The following NLRP13 variants were observed in gnomAD, a reference collection of about 807,000 sequenced individuals.
The protein encoded by NLRP13 is NACHT, LRR and PYD domains-containing protein 13.
A neutral mutation model predicts 94.4 loss-of-function variants in NLRP13; 82 were observed. The observed-to-expected ratio is 0.87, with a 90% CI of 0.73 to 1.04. NLRP13 has a LOEUF of 1.04. Ranked by LOEUF, NLRP13 falls within the 50% of genes least tolerant of loss-of-function variation. NLRP13 has a pLI of 0.00. For missense variants in NLRP13, 1,426 were observed against 1,230.8 expected (o/e 1.16, Z -2.37); for synonymous variants, 553 against 464.7 (o/e 1.19, Z -2.45).
intron 1 of NLRP13, among the ~76,000 whole-genome samples, chr19:55,926,558 T>TC (rs1412144901): frequency 2.6e-5 from 4 of 151,986 alleles, no homozygotes; most frequent in South Asian, 2.1e-4. Context: ...CCAACATTAC[T>TC]CCCCCCAGGC....
At chr19:55,907,528 C>T (rs1020404457) in intron 7 of NLRP13, among the ~76,000 whole-genome samples, 4 of 152,132 alleles carry the variant, frequency 2.6e-5, no homozygotes, top group African/African-American at 4.8e-5. Context: ...GCAGAGATCA[C>T]GTCATTGCAC....
At position 55,907,848 on chromosome 19, in the gene NLRP13, A is replaced by C. The variant is rs537430301; in HGVS notation, c.2391T>G (p.Thr797=). The change falls in exon 7 of 11, where the codon ACT becomes ACG. Residue 797 remains threonine, a synonymous_variant. Coordinates refer to ENST00000342929, the MANE Select transcript of NLRP13 (RefSeq NM_176810.2). Reference sequence around the variant, plus strand: ...TCAAAGCTTTAAGAATCAGGGGGACAGTCATTCCCAGCTTGTTAGAGCTGA... The same window carrying C: ...TCAAAGCTTTAAGAATCAGGGGGACCGTCATTCCCAGCTTGTTAGAGCTGA... ...LNFSSNKLGM[T]VPLILKALRH... is the part of the protein sequence containing the mutation. 6.2e-7 allele frequency: 1 copy of C among 1,613,942 alleles called. No homozygotes were observed. The highest frequency in any genetic ancestry group is 1.1e-5 in the South Asian group (1 of 91,040).
At chr19:55,918,581 A>G (rs924374508) in intron 4 of NLRP13, among the ~76,000 whole-genome samples, 2 of 152,102 alleles carry the variant, frequency 1.3e-5, no homozygotes, top group African/African-American at 4.8e-5. Flanking sequence ...ATGATCAGAG[A>G]CTACTATGGA....
At chr19:55,900,649 A>C (rs1256923954) in intron 9 of NLRP13, among the ~76,000 whole-genome samples, 1 of 151,704 alleles carries the variant, frequency 6.6e-6, no homozygotes, top group Non-Finnish European at 1.5e-5. Context: ...GGTGGCGGGC[A>C]CCCGTAGTCC....
At chr19:55,898,994 G>C (rs1986093828) in intron 9 of NLRP13, 57 bp from the exon 10 acceptor site, 1 of 1,553,206 alleles carries the variant, frequency 6.4e-7, no homozygotes, top group Non-Finnish European at 8.7e-7. Flanking sequence ...AAGCTGTGCT[G>C]TGTTTACAAC....
chr19:55,893,821 A>G (rs1348399145), downstream of NLRP13, among the ~76,000 whole-genome samples: 2 of 152,208 alleles, frequency 1.3e-5, no homozygotes, highest in African/African-American at 4.8e-5. Flanking sequence ...TTCTGCACAC[A>G]TGCATGATAG....
intron 9 of NLRP13, among the ~76,000 whole-genome samples, chr19:55,900,013 T>C (rs73609535): frequency 1.6e-3 from 248 of 151,958 alleles, no homozygotes; most frequent in African/African-American, 5.8e-3. Flanking sequence ...TAGAACATTG[T>C]ACCTTTCAAA....
chr19:55,922,415 C>T (rs1186073792), intron 4 of NLRP13, among the ~76,000 whole-genome samples: 4 of 152,164 alleles, frequency 2.6e-5, no homozygotes, highest in African/African-American at 9.6e-5. Context: ...GCAACCTCTG[C>T]CTCCCAGGTT....
At chr19:55,906,879 G>A (rs965763250) in intron 7 of NLRP13, among the ~76,000 whole-genome samples, 6 of 152,280 alleles carry the variant, frequency 3.9e-5, no homozygotes, top group Admixed American at 6.5e-5. Context: ...GCAGCATGAC[G>A]TGGTAGCCTG....
chr19:55,906,067 G>A (rs988595677), intron 7 of NLRP13, among the ~76,000 whole-genome samples: 1 of 152,140 alleles, frequency 6.6e-6, no homozygotes, highest in South Asian at 2.1e-4. Context: ...GCCAGGCGTG[G>A]TGGCTCACGC....
At chr19:55,892,977 C>A (rs1211733779), downstream of NLRP13, among the ~76,000 whole-genome samples, 1 of 152,162 alleles carries the variant, frequency 6.6e-6, no homozygotes, top group African/African-American at 2.4e-5. Flanking sequence ...AACCTAGGTG[C>A]TCATCAACAG....
chr19:55,926,953 G>T (rs184926099), intron 1 of NLRP13, among the ~76,000 whole-genome samples: 93 of 152,118 alleles, frequency 6.1e-4, no homozygotes, highest in African/African-American at 2.0e-3. Context: ...AACAAATGGT[G>T]CTGGAGCCAA....
intron 10 of NLRP13, among the ~76,000 whole-genome samples, chr19:55,898,206 G>GTTTTTTTTTTTTT (rs67273235): frequency 1.0e-4 from 2 of 20,070 alleles, no homozygotes; most frequent in African/African-American, 3.9e-4. Flanking sequence ...TTTTGTTTTT[G>GTTTTTTTTTTTTT]TTTTTGTTTT....
chr19:55,907,166 G>T (rs949858483), intron 7 of NLRP13, among the ~76,000 whole-genome samples: 4 of 151,902 alleles, frequency 2.6e-5, no homozygotes, highest in African/African-American at 9.7e-5. Context: ...CACCGTGTTG[G>T]TCAGGCTGGT....
chr19:55,909,601 C>T (rs910982419), intron 6 of NLRP13, among the ~76,000 whole-genome samples: 2 of 151,854 alleles, frequency 1.3e-5, no homozygotes, highest in African/African-American at 4.8e-5. Context: ...ATTCTCCAAG[C>T]CAATCATGGC....
At position 55,899,014 on chromosome 19, in the gene NLRP13, C is replaced by G. The variant is rs1413040710; in HGVS notation, c.2790-77G>C. 6.9e-6 allele frequency: 10 copies of G among 1,457,884 alleles called. No homozygotes were observed. In the East Asian group the frequency reaches 9.5e-5, roughly 14 times the overall value. 90.3% of individuals were successfully genotyped at this position (1,457,884 alleles called of 1,614,324 possible). ...GTGCTGTGTTTACAACTGCCCATCT[C>G]ACGTCCAAGGAAAGGAGACACCCTG... On this transcript the variant is annotated intron_variant, in intron 9 of 10. Coordinates refer to ENST00000342929, the MANE Select transcript of NLRP13 (RefSeq NM_176810.2).
intron 5 of NLRP13, among the ~76,000 whole-genome samples, chr19:55,911,372 A>C (rs1222444095): frequency 6.6e-6 from 1 of 152,196 alleles, no homozygotes; most frequent in Non-Finnish European, 1.5e-5. Context: ...CTGGGACCAC[A>C]GGTGTGTGCC....
chr19:55,925,095 A>G (rs988995076), intron 1 of NLRP13, 60 bp from the exon 2 acceptor site: 6 of 1,461,030 alleles, frequency 4.1e-6, no homozygotes. Context: ...GACCAGCAAT[A>G]ATGGAGTCTC....
At chr19:55,910,230 C>A (rs566385323) in intron 6 of NLRP13, among the ~76,000 whole-genome samples, 1 of 152,218 alleles carries the variant, frequency 6.6e-6, no homozygotes, top group Non-Finnish European at 1.5e-5. Context: ...TCAGACTACA[C>A]GTGTCTGTAG....
Sources: gnomAD v4.1 joint callset for allele counts (sites outside exome capture counted in the v4.1 genomes callset) on GRCh38, gnomAD v4.1.1 for gene constraint, MANE v1.5 for transcripts, NCBI Gene and HGNC (gene_info 2026-07-23, HGNC 2026-07-21) for gene names.